DCT: variants seen among roughly 807,000 people sequenced by gnomAD.
DCT encodes dopachrome tautomerase, also known as L-dopachrome tautomerase.
DCT carries 47 observed loss-of-function variants against 53.0 expected under a neutral mutation model. The observed-to-expected ratio is 0.89, with a 90% CI of 0.70 to 1.13. The LOEUF is 1.13. Among genes scored for constraint, DCT ranks in the 50% most tolerant of loss-of-function variants. DCT has a pLI of 0.00. For synonymous variants in DCT, 244 were observed against 237.0 expected, an observed-to-expected ratio of 1.03 and a Z score of -0.27; for missense variants, 669 against 637.4, an observed-to-expected ratio of 1.05 and a Z score of -0.53.
the DCT span, among the ~76,000 whole-genome samples, chr13:94,507,505 T>TA: frequency 2.0e-5 from 3 of 148,302 alleles, no homozygotes; most frequent in South Asian, 6.4e-4. Flanking sequence ...TATATTGACT[T>TA]TTTTTTTTTT....
At chr13:94,504,910 C>A in the DCT span, among the ~76,000 whole-genome samples, 1 of 152,008 alleles carries the variant, frequency 6.6e-6, no homozygotes, top group East Asian at 1.9e-4. Context: ...CTCCCTCCTA[C>A]CTCTTCTCAT....
chr13:94,458,108 G>A (rs1218914075), intron 6 of DCT, among the ~76,000 whole-genome samples: 3 of 152,078 alleles, frequency 2.0e-5, no homozygotes, highest in Non-Finnish European at 4.4e-5. Context: ...CGGCTAATAT[G>A]AGCATCTGCT....
At chr13:94,447,642 G>A (rs1411680376) in intron 6 of DCT, among the ~76,000 whole-genome samples, 2 of 152,176 alleles carry the variant, frequency 1.3e-5, no homozygotes, top group Non-Finnish European at 2.9e-5. Flanking sequence ...TGCAGAAAGA[G>A]GATACTTTGA....
chr13:94,465,965 ATT>A (rs67747887), intron 3 of DCT, among the ~76,000 whole-genome samples, 166 bp from the exon 4 acceptor site: 34 of 99,530 alleles, frequency 3.4e-4, no homozygotes, highest in African/African-American at 1.1e-3. Context: ...GTGTGTGTAT[ATT>A]TTATATATAT....
chr13:94,503,195 T>C, the DCT span, among the ~76,000 whole-genome samples: 8 of 151,766 alleles, frequency 5.3e-5, no homozygotes, highest in Non-Finnish European at 8.8e-5. Flanking sequence ...CTGGGAAACA[T>C]AGCAAAAACC....
chr13:94,494,518 A>G, the DCT span, among the ~76,000 whole-genome samples: 2 of 152,026 alleles, frequency 1.3e-5, no homozygotes, highest in Admixed American at 1.3e-4. Context: ...CCTGCTGTAT[A>G]CCCATTCTCC....
chr13:94,536,052 C>T, the DCT span, among the ~76,000 whole-genome samples: 18 of 152,288 alleles, frequency 1.2e-4, 1 homozygote, highest in South Asian at 3.7e-3. Flanking sequence ...TCCAAATGAT[C>T]TCAAGAACTA....
At chr13:94,532,656 G>C in the DCT span, among the ~76,000 whole-genome samples, 3 of 152,138 alleles carry the variant, frequency 2.0e-5, no homozygotes, top group African/African-American at 4.8e-5. Flanking sequence ...GGCTAGGGGA[G>C]GGATAGCATT....
intron 1 of DCT, among the ~76,000 whole-genome samples, chr13:94,470,710 T>C (rs1461206937): frequency 1.3e-5 from 2 of 152,194 alleles, no homozygotes; most frequent in African/African-American, 4.8e-5. Context: ...AAATTCCTCT[T>C]TACCTGCGTG....
chr13:94,490,663 T>TA, the DCT span, among the ~76,000 whole-genome samples: 5 of 151,910 alleles, frequency 3.3e-5, no homozygotes, highest in Non-Finnish European at 5.9e-5. Context: ...TACACAAAGC[T>TA]AAAAAAACCT....
At chr13:94,537,735 A>G in the DCT span, among the ~76,000 whole-genome samples, 1 of 152,238 alleles carries the variant, frequency 6.6e-6, no homozygotes, top group Non-Finnish European at 1.5e-5. Flanking sequence ...TGTTAAGTCA[A>G]TAGATGTAAA....
chr13:94,497,534 A>T, the DCT span, among the ~76,000 whole-genome samples: 1 of 152,244 alleles, frequency 6.6e-6, no homozygotes, highest in Admixed American at 6.5e-5. Flanking sequence ...CAATGAACAC[A>T]TATTTTATAT....
At chr13:94,499,401 G>T in the DCT span, among the ~76,000 whole-genome samples, 1 of 152,104 alleles carries the variant, frequency 6.6e-6, no homozygotes, top group Non-Finnish European at 1.5e-5. Flanking sequence ...AAGACTAAAA[G>T]CATAAAGATA....
intron 6 of DCT, 129 bp from the exon 7 acceptor site, chr13:94,443,766 A>C: frequency 1.5e-6 from 1 of 682,980 alleles, no homozygotes; most frequent in African/African-American, 1.8e-5. Context: ...CCATGTGTGG[A>C]ATACCCCCTT....
chr13:94,519,042 G>A, the DCT span, among the ~76,000 whole-genome samples: 3 of 151,690 alleles, frequency 2.0e-5, no homozygotes, highest in East Asian at 3.9e-4. Context: ...TGCCCCCTCC[G>A]CCTAACCTGG....
chr13:94,517,295 T>C, the DCT span, among the ~76,000 whole-genome samples: 1 of 152,204 alleles, frequency 6.6e-6, no homozygotes, highest in Non-Finnish European at 1.5e-5. Context: ...CCAATGAGGC[T>C]TCAAGGTCCA....
intron 3 of DCT, among the ~76,000 whole-genome samples, 174 bp from the exon 4 acceptor site, chr13:94,465,973 T>TATATATAC (rs1884177465): frequency 1.4e-3 from 6 of 4,422 alleles, no homozygotes; most frequent in South Asian, 7.1e-3. Flanking sequence ...ATATTTTATA[T>TATATATAC]ATATATATAT....
chr13:94,504,284 T>A, the DCT span, among the ~76,000 whole-genome samples: 1 of 152,256 alleles, frequency 6.6e-6, no homozygotes, highest in African/African-American at 2.4e-5. Context: ...TCTTGTTACC[T>A]GTTAGCCTTG....
Position 94,438,858 on chromosome 13 carries a change from G to A in DCT, c.*1040C>T, listed in dbSNP as rs893289332. The A allele has an allele frequency of 2.3e-5, 7 of 305,936 alleles. 1 individual carries two copies. Among genetic ancestry groups the A allele is most frequent in the South Asian group, 1.1e-4 (4 of 36,398 alleles). 19.0% of individuals were successfully genotyped at this position (305,936 alleles called of 1,614,324 possible). On this transcript the variant is annotated 3_prime_UTR_variant, in exon 8 of 8. Transcript: ENST00000377028. ...CATTCATAAGTAACTGTGAGTATTC[G>A]GCAACATTAATCAATCTAACATCAA...
Sources: allele counts gnomAD v4.1 joint callset (sites outside exome capture counted in the v4.1 genomes callset), GRCh38; gene constraint gnomAD v4.1.1; transcripts MANE v1.5; gene names NCBI Gene and HGNC (gene_info 2026-07-23, HGNC 2026-07-21).